The following ROBO2 variants were observed in gnomAD, a reference collection of about 807,000 sequenced individuals.
ROBO2 encodes the protein roundabout homolog 2.
In ROBO2, 53 loss-of-function variants were observed where a neutral mutation model predicts 160.8. That is an observed-to-expected ratio of 0.33 (90% CI 0.26 to 0.41). The LOEUF is 0.41. Ranked by LOEUF, ROBO2 falls within the 10% of genes least tolerant of loss-of-function variation. The pLI, the probability that ROBO2 is intolerant of heterozygous loss-of-function variation, is 1.00. For synonymous variants in ROBO2, 664 were observed against 611.7 expected, an observed-to-expected ratio of 1.09 and a Z score of -1.26; for missense variants, 1,577 against 1,722.4, an observed-to-expected ratio of 0.92 and a Z score of 1.49.
chr3:76,093,090 A>C (rs1165761834), intron 2 of ROBO2, among the ~76,000 whole-genome samples: 1 of 152,182 alleles, frequency 6.6e-6, no homozygotes, highest in African/African-American at 2.4e-5. Context: ...GGTTTCAACA[A>C]AGGAAGTTGA....
At chr3:77,006,568 A>G (rs1005165789) in intron 2 of ROBO2, among the ~76,000 whole-genome samples, 9 of 152,070 alleles carry the variant, frequency 5.9e-5, no homozygotes, top group African/African-American at 2.2e-4. Flanking sequence ...TAACAAAACT[A>G]CTTGATAGGA....
rs879356392 is a variant in ROBO2 at position 77,602,661 on chromosome 3, GCCA to G, written c.3136+197_3136+199del. Among the ~76,000 whole-genome samples the G allele has an allele frequency of 1.2e-3, 148 of 128,314 alleles. 2 individuals carry two copies. In the East Asian group the frequency reaches 0.028, roughly 24 times the overall value. The allele number at this position is 128,314 out of a possible 152,430, so 84.2% of individuals were successfully genotyped here. On this transcript the variant is annotated intron_variant, in intron 20 of 25. Transcript: ENST00000461745. Reference sequence around the variant, plus strand: ...TTGAGTAATTCCTACCACCACCACCGCCACCACCACCACCACCACCACCACCAC... The same window carrying G: ...TTGAGTAATTCCTACCACCACCACCGCCACCACCACCACCACCACCACCAC...
chr3:76,650,482 T>TC (rs1209457072), intron 2 of ROBO2, among the ~76,000 whole-genome samples: 3 of 19,132 alleles, frequency 1.6e-4, no homozygotes, highest in African/African-American at 5.7e-4. Flanking sequence ...CTTCTTTCTC[T>TC]TTTTTTTTTT....
chr3:76,487,153 T>A (rs965349323), intron 2 of ROBO2, among the ~76,000 whole-genome samples: 44 of 151,822 alleles, frequency 2.9e-4, no homozygotes, highest in African/African-American at 1.0e-3. Context: ...AATTTAATTT[T>A]TTTTTTTTGT....
chr3:77,122,338 T>C (rs1176067022), intron 2 of ROBO2, among the ~76,000 whole-genome samples: 1 of 152,162 alleles, frequency 6.6e-6, no homozygotes, highest in Admixed American at 6.5e-5. Context: ...ACATATTTTC[T>C]TGTTTGATTT....
At chr3:77,263,510 G>T (rs540775750) in intron 2 of ROBO2, among the ~76,000 whole-genome samples, 5 of 152,120 alleles carry the variant, frequency 3.3e-5, no homozygotes, top group Admixed American at 3.3e-4. Flanking sequence ...GTGGTATTTG[G>T]TTTTCTGTTC....
intron 2 of ROBO2, among the ~76,000 whole-genome samples, chr3:76,383,298 A>G (rs979414015): frequency 6.6e-6 from 1 of 152,202 alleles, no homozygotes. Context: ...AAACTATGCA[A>G]TGGATGAATA....
chr3:76,617,042 C>A lies in ROBO2; in HGVS notation c.110-480972C>A, dbSNP rs546122662. Among the ~76,000 whole-genome samples the A allele has an allele frequency of 2.6e-5, 4 of 152,172 alleles. No homozygotes were observed. The East Asian group carries it at 7.8e-4, about 30-fold the overall frequency. On this transcript the variant is annotated intron_variant, in intron 2 of 26. Coordinates refer to the ROBO2 transcript ENST00000487694. The stretch of plus-strand genomic sequence containing the variant: ...CAAGAATCAAACCTACACAGTGTGG[C>A]CCAGGGCATTGGATATATATATATC...
intron 2 of ROBO2, among the ~76,000 whole-genome samples, chr3:77,203,192 G>A (rs961931837): frequency 6.6e-6 from 1 of 152,176 alleles, no homozygotes; most frequent in African/African-American, 2.4e-5. Context: ...GCACATAAAT[G>A]TGCTACCCTA....
intron 5 of ROBO2, among the ~76,000 whole-genome samples, chr3:77,496,492 A>C (rs1183111810): frequency 6.6e-6 from 1 of 152,190 alleles, no homozygotes; most frequent in Non-Finnish European, 1.5e-5. Context: ...CCGTAGACTA[A>C]ATCAACAACA....
intron 2 of ROBO2, among the ~76,000 whole-genome samples, chr3:77,341,344 C>G (rs1412263276): frequency 6.6e-6 from 1 of 152,048 alleles, no homozygotes; most frequent in African/African-American, 2.4e-5. Flanking sequence ...TCTAAAATGA[C>G]CAGGTCAGAA....
At chr3:77,197,685 G>A (rs181360740) in intron 2 of ROBO2, among the ~76,000 whole-genome samples, 5 of 152,244 alleles carry the variant, frequency 3.3e-5, no homozygotes, top group Admixed American at 3.3e-4. Flanking sequence ...ACAGAATAAA[G>A]GTCTCTAAAG....
At chr3:76,686,997 A>G (rs2092699529) in intron 2 of ROBO2, among the ~76,000 whole-genome samples, 1 of 151,966 alleles carries the variant, frequency 6.6e-6, no homozygotes, top group Admixed American at 6.6e-5. Context: ...ATGTGTGCAT[A>G]TTGGGTTTGT....
intron 2 of ROBO2, among the ~76,000 whole-genome samples, chr3:77,004,822 C>T (rs1318911813): frequency 1.3e-5 from 2 of 152,144 alleles, no homozygotes; most frequent in Admixed American, 6.5e-5. Flanking sequence ...CGCCTTAGCA[C>T]CTTCACCGGG....
chr3:76,101,952 A>C (rs1342297516), intron 2 of ROBO2, among the ~76,000 whole-genome samples: 11 of 73,340 alleles, frequency 1.5e-4, no homozygotes, highest in Non-Finnish European at 2.8e-4. Flanking sequence ...CCTGTGTCCA[A>C]GTGTTCCCAT....
intron 2 of ROBO2, among the ~76,000 whole-genome samples, chr3:76,729,199 A>G (rs1576279585): frequency 6.6e-6 from 1 of 151,796 alleles, no homozygotes; most frequent in African/African-American, 2.4e-5. Flanking sequence ...ATTGAGCTCT[A>G]TAAATGAATT....
At chr3:77,054,625 C>T (rs2065543526) in intron 1 of ROBO2, among the ~76,000 whole-genome samples, 1 of 152,068 alleles carries the variant, frequency 6.6e-6, no homozygotes, top group Non-Finnish European at 1.5e-5. Flanking sequence ...ATATGTTGTT[C>T]CTTTTCCCTA....
intron 17 of ROBO2, among the ~76,000 whole-genome samples, chr3:77,593,789 A>T (rs2094235988): frequency 6.6e-6 from 1 of 152,190 alleles, no homozygotes; most frequent in African/African-American, 2.4e-5. Context: ...TATTCAAAGT[A>T]AGAAGTATTC....
At chr3:76,615,462 A>G (rs1441257608) in intron 2 of ROBO2, among the ~76,000 whole-genome samples, 1 of 152,118 alleles carries the variant, frequency 6.6e-6, no homozygotes, top group Non-Finnish European at 1.5e-5. Flanking sequence ...AGTACCATGA[A>G]ATTCTGGTTC....
Sources: allele counts gnomAD v4.1 joint callset (sites outside exome capture counted in the v4.1 genomes callset), GRCh38; gene constraint gnomAD v4.1.1; transcripts MANE v1.5; gene names NCBI Gene and HGNC (gene_info 2026-07-23, HGNC 2026-07-21).